CLVS2: variants seen among roughly 807,000 people sequenced by gnomAD.
CLVS2 encodes clavesin 2, also known as clavesin-2.
CLVS2 carries 19 observed loss-of-function variants against 29.0 expected under a neutral mutation model. The observed-to-expected ratio is 0.66, with a 90% CI of 0.46 to 0.96. CLVS2 has a LOEUF of 0.96. Ranked by LOEUF, CLVS2 falls within the 40% of genes least tolerant of loss-of-function variation. The pLI, the probability that CLVS2 is intolerant of heterozygous loss-of-function variation, is 0.00. For missense variants in CLVS2, 294 were observed against 404.1 expected (o/e 0.73, Z 2.34); for synonymous variants, 161 against 151.3 (o/e 1.06, Z -0.47).
intron 3 of CLVS2, among the ~76,000 whole-genome samples, chr6:123,041,092 A>G (rs1310491031): frequency 6.6e-6 from 1 of 152,116 alleles, no homozygotes; most frequent in Non-Finnish European, 1.5e-5. Flanking sequence ...TTGTTTTTTG[A>G]ACTTAATTAG....
In CLVS2 at chr6:123,068,519, G is replaced by C. The variant is rs893082314; in HGVS notation, c.*4758G>C. On this transcript the variant is annotated 3_prime_UTR_variant, in exon 6 of 6. Coordinates refer to ENST00000275162, the MANE Select transcript of CLVS2 (RefSeq NM_001010852.4). The stretch of plus-strand genomic sequence containing the variant: ...AATTTTAATTCATTTACTTTTAACA[G>C]AGATACAAAGCACTGTCTTGTTTCT... 6.6e-6 allele frequency: 1 copy of C among 151,580 alleles called. No individual in the cohort carries two copies. Among genetic ancestry groups the C allele is most frequent in the Non-Finnish European group, 1.5e-5 (1 of 67,690 alleles). The allele number at this position is 151,580 out of a possible 1,614,324, so 9.4% of individuals were successfully genotyped here.
rs761160961 is a variant in CLVS2 at position 123,014,978 on chromosome 6, G to A, written c.564+3819G>A. Among the ~76,000 whole-genome samples, 59 of 152,134 alleles carry A rather than the reference G, an allele frequency of 3.9e-4. 1 individual carries two copies. The Middle Eastern group carries it at 0.024, about 61-fold the overall frequency. ...GTGTTTCTTTTGGAAGAAGCTCTAG[G>A]CATAGCTGGAAAGGTGAGGATTGTG... On this transcript the variant is annotated intron_variant, in intron 3 of 5. Coordinates refer to ENST00000275162, the MANE Select transcript of CLVS2 (RefSeq NM_001010852.4).
intron 3 of CLVS2, among the ~76,000 whole-genome samples, chr6:123,020,943 C>T (rs1582649721): frequency 6.6e-6 from 1 of 151,778 alleles, no homozygotes; most frequent in East Asian, 1.9e-4. Context: ...TTAGCTCTTG[C>T]TCGAATTTCA....
Position 122,997,986 on chromosome 6 carries a change from G to A in CLVS2, c.209G>A (p.Arg70His). ...ARKFHHFEAF[R>H]LLAQYFEYRQ... is the part of the protein sequence containing the mutation. ...AAGTTTCATCACTTTGAGGCCTTCC[G>A]CCTCCTGGCGCAGTACTTTGAGTAC... Residue 70 changes from arginine to histidine, a missense_variant, in exon 2 of 6, where the codon CGC becomes CAC. This residue lies in a region of CLVS2 where 212 missense variants were observed against 336.4 expected (regional missense o/e 0.63). Transcript: ENST00000275162. 6.2e-7 allele frequency: 1 copy of A among 1,614,052 alleles called. No homozygotes were observed. The highest frequency in any genetic ancestry group is 1.7e-5 in the Admixed American group (1 of 60,012).
chr6:123,016,789 C>G (rs1774841052), intron 3 of CLVS2, among the ~76,000 whole-genome samples: 2 of 152,068 alleles, frequency 1.3e-5, no homozygotes, highest in African/African-American at 4.8e-5. Flanking sequence ...CTGGTCCTTT[C>G]ATTTGACTCA....
chr6:123,004,939 A>G (rs1487136898), intron 2 of CLVS2, among the ~76,000 whole-genome samples: 1 of 64,170 alleles, frequency 1.6e-5, no homozygotes, highest in African/African-American at 9.2e-5. Context: ...AACAAAAACA[A>G]AAACAAAAAA....
At chr6:123,010,609 G>A (rs1431970762) in intron 2 of CLVS2, among the ~76,000 whole-genome samples, 1 of 151,978 alleles carries the variant, frequency 6.6e-6, no homozygotes, top group African/African-American at 2.4e-5. Flanking sequence ...CTCATTCTCA[G>A]TTTTTTCAAA....
chr6:123,030,732 C>A (rs926685684), intron 3 of CLVS2, among the ~76,000 whole-genome samples: 7 of 151,178 alleles, frequency 4.6e-5, no homozygotes, highest in Non-Finnish European at 1.0e-4. Flanking sequence ...AGTAGCTCAG[C>A]CAAACTAAAT....
chr6:123,005,689 G>A (rs964531874), intron 2 of CLVS2, among the ~76,000 whole-genome samples: 3 of 152,152 alleles, frequency 2.0e-5, no homozygotes, highest in Non-Finnish European at 4.4e-5. Flanking sequence ...CATGGCCAGA[G>A]GCAGGAGAAG....
In CLVS2 at chr6:123,067,328, T is replaced by C. The variant is rs1486642601; in HGVS notation, c.*3567T>C. ...TCACATAAAGAAACCTTCAGAGCCA[T>C]GGAGTATGTCTTCAGGGACAGGGAT... On this transcript the variant is annotated 3_prime_UTR_variant, in exon 6 of 6. Transcript: ENST00000275162. The C allele has an allele frequency of 1.3e-5, 2 of 151,616 alleles. No homozygotes were observed. The highest frequency in any genetic ancestry group is 6.6e-5 in the Admixed American group (1 of 15,154). 9.4% of individuals were successfully genotyped at this position (151,616 alleles called of 1,614,324 possible).
chr6:123,058,850 G>T (rs774243511), intron 5 of CLVS2, among the ~76,000 whole-genome samples: 18 of 151,890 alleles, frequency 1.2e-4, no homozygotes, highest in Non-Finnish European at 2.4e-4. Flanking sequence ...TAGAGACCAG[G>T]TCTCACTATG....
At position 123,072,835 on chromosome 6, in the gene CLVS2, A is replaced by AT. The variant is rs1282401188; in HGVS notation, c.*9077dup. ...CTGAAAACCATTATATTAATATTTT[A>AT]TTTCTTTTTTTGCAGAGAAACTATT... is the stretch of plus-strand genomic sequence containing the variant. On this transcript the variant is annotated 3_prime_UTR_variant, in exon 6 of 6. Transcript: ENST00000275162. The AT allele has an allele frequency of 2.0e-5, 3 of 152,000 alleles. No individual in the cohort carries two copies. Among genetic ancestry groups the AT allele is most frequent in the African/African-American group, 7.2e-5 (3 of 41,430 alleles). 9.4% of individuals were successfully genotyped at this position (152,000 alleles called of 1,614,324 possible).
intron 5 of CLVS2, among the ~76,000 whole-genome samples, chr6:123,056,368 C>A (rs956686846): frequency 6.6e-6 from 1 of 151,978 alleles, no homozygotes; most frequent in African/African-American, 2.4e-5. Context: ...TCCCTATCCA[C>A]CCCCCCAAAC....
rs770666703 is a variant in CLVS2, at chr6:122,998,161, G to C, written c.384G>C (p.Gln128His). The change falls in exon 2 of 6, where the codon CAG (glutamine) becomes CAC (histidine). Residue 128 changes from glutamine to histidine, a missense_variant. By Grantham distance (24) the Gln-to-His change is conservative. Transcript: ENST00000275162. ...TCCTTTTTGCTGCCAATTGGGATCA[G>C]AGCAGGTAAATCCTAAATCCAAACT... ...ILVLFAANWDQSRYTLVDILR... is the reference protein window; with the variant it reads ...ILVLFAANWDHSRYTLVDILR... 6 of 1,610,022 alleles carry C rather than the reference G, an allele frequency of 3.7e-6. No homozygotes were observed. Among genetic ancestry groups the C allele is most frequent in the Non-Finnish European group, 5.1e-6 (6 of 1,179,680 alleles).
chr6:123,028,631 A>T (rs1775037095), intron 3 of CLVS2, among the ~76,000 whole-genome samples: 1 of 152,192 alleles, frequency 6.6e-6, no homozygotes, highest in Admixed American at 6.5e-5. Context: ...AAATTTAGCT[A>T]AAATCTTGAA....
At position 123,069,412 on chromosome 6, in the gene CLVS2, T is replaced by C. The variant is rs932987855; in HGVS notation, c.*5651T>C. On this transcript the variant is annotated 3_prime_UTR_variant, in exon 6 of 6. Coordinates refer to ENST00000275162, the MANE Select transcript of CLVS2 (RefSeq NM_001010852.4). The stretch of plus-strand genomic sequence containing the variant: ...AATGCTTACTCAATAAATATGTATT[T>C]GTGTCTTCTGTGAGTTTCCCTCATT... 3.3e-5 allele frequency: 5 copies of C among 151,884 alleles called. No individual in the cohort carries two copies. The highest frequency in any genetic ancestry group is 2.6e-4 in the Admixed American group (4 of 15,186). The allele number at this position is 151,884 out of a possible 1,614,324, so 9.4% of individuals were successfully genotyped here.
intron 2 of CLVS2, among the ~76,000 whole-genome samples, chr6:123,006,570 A>T (rs1222674556): frequency 6.6e-6 from 1 of 152,206 alleles, no homozygotes; most frequent in Non-Finnish European, 1.5e-5. Flanking sequence ...TATATAAAAG[A>T]CAAAAAAATT....
intron 3 of CLVS2, among the ~76,000 whole-genome samples, chr6:123,013,821 C>T (rs1774787660): frequency 6.6e-6 from 1 of 151,888 alleles, no homozygotes; most frequent in Admixed American, 6.6e-5. Flanking sequence ...TCCCCCCACC[C>T]CACAACAGGC....
At chr6:123,005,755 C>G (rs1409370318) in intron 2 of CLVS2, among the ~76,000 whole-genome samples, 2 of 152,110 alleles carry the variant, frequency 1.3e-5, no homozygotes, top group Non-Finnish European at 2.9e-5. Flanking sequence ...AGGGTGCCAC[C>G]CCTCCACAGT....
Sources: allele counts gnomAD v4.1 joint callset (sites outside exome capture counted in the v4.1 genomes callset), GRCh38; gene constraint gnomAD v4.1.1; regional missense constraint gnomAD v4.1.1; transcripts MANE v1.5; gene names NCBI Gene and HGNC (gene_info 2026-07-23, HGNC 2026-07-21).